The following POU6F2 variants were observed in gnomAD, a reference collection of about 807,000 sequenced individuals.
POU6F2 encodes the protein POU class 6 homeobox 2, also known as POU domain, class 6, transcription factor 2.
A neutral mutation model predicts 71.3 loss-of-function variants in POU6F2; 31 were observed. That is an observed-to-expected ratio of 0.43 (90% confidence interval 0.33 to 0.59). The LOEUF (loss-of-function observed/expected upper bound fraction) is 0.59. POU6F2 is among the 20% of genes least tolerant of loss of function. POU6F2 has a pLI of 0.04. For missense variants in POU6F2, 783 were observed against 856.8 expected (o/e 0.91, Z 1.07); for synonymous variants, 347 against 355.7 (o/e 0.98, Z 0.27).
chr7:39,004,671 A>T (rs956715604), intron 1 of POU6F2, among the ~76,000 whole-genome samples: 3 of 152,230 alleles, frequency 2.0e-5, no homozygotes, highest in Admixed American at 6.5e-5. Flanking sequence ...TTGGTACTTT[A>T]TATATGTATA....
intron 2 of POU6F2, among the ~76,000 whole-genome samples, chr7:39,154,595 A>G (rs1248423407): frequency 2.0e-5 from 3 of 152,168 alleles, no homozygotes; most frequent in African/African-American, 7.2e-5. Flanking sequence ...ATTGAAATTA[A>G]TTGGATTAGA....
intron 4 of POU6F2, among the ~76,000 whole-genome samples, chr7:39,289,940 G>A (rs4723841): frequency 0.46 from 69,496 of 151,856 alleles, 16,695 homozygotes; most frequent in Admixed American, 0.59. Context: ...TTAGTCAGAC[G>A]GACTTGGGCC....
intron 2 of POU6F2, among the ~76,000 whole-genome samples, chr7:39,115,038 T>C (rs938785450): frequency 1.3e-5 from 2 of 152,206 alleles, no homozygotes; most frequent in African/African-American, 4.8e-5. Context: ...TATTCTCAGT[T>C]GTGTAAAGAC....
chr7:39,042,400 G>A (rs1790209596), intron 1 of POU6F2, among the ~76,000 whole-genome samples: 1 of 151,964 alleles, frequency 6.6e-6, no homozygotes, highest in South Asian at 2.1e-4. Context: ...GTATGTCACT[G>A]TATAGCCAGG....
Position 39,163,777 on chromosome 7 carries a change from G to A in POU6F2, c.278-40458G>A, listed in dbSNP as rs142208760. Among the ~76,000 whole-genome samples the A allele has an allele frequency of 1.4e-4, 22 of 152,226 alleles. No individual in the cohort carries two copies. In the East Asian group the frequency reaches 4.0e-3, roughly 28 times the overall value. On this transcript the variant is annotated intron_variant, in intron 2 of 9. Transcript: ENST00000518318. ...TGGAAACAACTAGGTGTCCATCAGT[G>A]GATGAATGGATAAAGAAAATGTGGT...
intron 2 of POU6F2, among the ~76,000 whole-genome samples, chr7:39,176,302 T>A (rs1793327393): frequency 6.6e-6 from 1 of 152,200 alleles, no homozygotes; most frequent in Admixed American, 6.5e-5. Context: ...AGCAGCCTCA[T>A]GTTTTTCTAC....
At chr7:39,316,681 A>G (rs1785274719) in intron 4 of POU6F2, among the ~76,000 whole-genome samples, 1 of 152,198 alleles carries the variant, frequency 6.6e-6, no homozygotes, top group South Asian at 2.1e-4. Context: ...CTCCTGTGAA[A>G]GACTTTAGGT....
intron 4 of POU6F2, among the ~76,000 whole-genome samples, chr7:39,287,291 C>T (rs534648120): frequency 6.6e-6 from 1 of 152,152 alleles, no homozygotes; most frequent in Non-Finnish European, 1.5e-5. Context: ...GGCTAAATAT[C>T]GTAGTTCCCT....
intron 5 of POU6F2, among the ~76,000 whole-genome samples, chr7:39,376,000 A>T (rs1786703625): frequency 6.6e-6 from 1 of 152,136 alleles, no homozygotes; most frequent in South Asian, 2.1e-4. Flanking sequence ...AAGCTACTTA[A>T]ATTCTCAAAA....
At chr7:39,069,217 G>A (rs540388735) in intron 1 of POU6F2, among the ~76,000 whole-genome samples, 15 of 152,156 alleles carry the variant, frequency 9.9e-5, no homozygotes, top group Non-Finnish European at 1.6e-4. Context: ...TAGAAGCAGC[G>A]GTCCCTAAAC....
At chr7:39,196,378 T>C (rs970246116) in intron 2 of POU6F2, among the ~76,000 whole-genome samples, 4 of 152,340 alleles carry the variant, frequency 2.6e-5, no homozygotes, top group African/African-American at 9.6e-5. Context: ...GTAATAGACA[T>C]GTTGATGATT....
intron 4 of POU6F2, among the ~76,000 whole-genome samples, chr7:39,220,827 TG>T (rs1289725210): frequency 6.6e-6 from 1 of 152,114 alleles, no homozygotes; most frequent in African/African-American, 2.4e-5. Context: ...CAATGAATGA[TG>T]GCTACTTTTG....
chr7:39,297,414 G>T (rs530982381), intron 4 of POU6F2, among the ~76,000 whole-genome samples: 1 of 152,106 alleles, frequency 6.6e-6, no homozygotes, highest in South Asian at 2.1e-4. Flanking sequence ...CGTGGGCCAC[G>T]TTATTATAAT....
At chr7:39,407,015 G>T (rs1787448360) in intron 6 of POU6F2, among the ~76,000 whole-genome samples, 1 of 151,958 alleles carries the variant, frequency 6.6e-6, no homozygotes, top group African/African-American at 2.4e-5. Flanking sequence ...AAGTTACTTT[G>T]CATTACAGGG....
rs565748330 is a variant in POU6F2, at chr7:39,175,797, G to A, written c.278-28438G>A. ...GCTTCCTTTCTTGATTTATCTCGCAGACTAGCATCCTCACATTCACTCAGA... is the reference window on the plus strand; with the variant it reads ...GCTTCCTTTCTTGATTTATCTCGCAAACTAGCATCCTCACATTCACTCAGA... On this transcript the variant is annotated intron_variant, in intron 2 of 9. Coordinates refer to ENST00000518318, the MANE Select transcript of POU6F2 (RefSeq NM_001370959.1). 2.4e-3 allele frequency among the ~76,000 whole-genome samples: 358 copies of A among 152,120 alleles called. 3 individuals are homozygous for A. Among genetic ancestry groups the A allele is most frequent in the South Asian group, 1.2e-3 (6 of 4,814 alleles).
intron 4 of POU6F2, among the ~76,000 whole-genome samples, chr7:39,327,960 G>A (rs12701734): frequency 0.074 from 11,287 of 151,620 alleles, 714 homozygotes; most frequent in African/African-American, 0.18. Flanking sequence ...TTGCTCTGTC[G>A]CCCAGGCTGG....
intron 1 of POU6F2, among the ~76,000 whole-genome samples, chr7:39,040,870 C>T (rs11763617): frequency 0.17 from 26,090 of 151,804 alleles, 2,586 homozygotes; most frequent in Non-Finnish European, 0.23. Flanking sequence ...CTTTTCTGTG[C>T]CTCTAAACTC....
At chr7:39,026,309 A>C (rs1584506432) in intron 1 of POU6F2, among the ~76,000 whole-genome samples, 1 of 152,140 alleles carries the variant, frequency 6.6e-6, no homozygotes, top group East Asian at 1.9e-4. Flanking sequence ...ACGTATGTTT[A>C]TTGCGGCACT....
At chr7:39,063,781 A>G (rs926234725) in intron 1 of POU6F2, among the ~76,000 whole-genome samples, 3 of 151,306 alleles carry the variant, frequency 2.0e-5, no homozygotes, top group Non-Finnish European at 4.4e-5. Flanking sequence ...AGGAAAAAAA[A>G]TATTATTTGT....
Sources: gnomAD v4.1 joint callset for allele counts (sites outside exome capture counted in the v4.1 genomes callset) on GRCh38, gnomAD v4.1.1 for gene constraint, MANE v1.5 for transcripts, NCBI Gene and HGNC (gene_info 2026-07-23, HGNC 2026-07-21) for gene names.